The following KIR2DL3 variants were observed in gnomAD, a reference collection of about 807,000 sequenced individuals.
The protein encoded by KIR2DL3 is killer cell immunoglobulin like receptor, two Ig domains and long cytoplasmic tail 3, also known as killer cell immunoglobulin-like receptor 2DL3.
In KIR2DL3, 39 loss-of-function variants were observed where a neutral mutation model predicts 33.8. The observed-to-expected ratio is 1.15, with a 90% CI of 0.89 to 1.51. The LOEUF (loss-of-function observed/expected upper bound fraction) is 1.51. Ranked by LOEUF, KIR2DL3 falls within the 40% of genes most tolerant of loss-of-function variation. KIR2DL3 has a pLI of 0.00. For missense variants in KIR2DL3, 462 were observed against 426.2 expected (o/e 1.08, Z -0.74); for synonymous variants, 174 against 160.2 (o/e 1.09, Z -0.65).
At chr19:54,738,679 T>G (rs2070250762) in intron 1 of KIR2DL3, 100 bp downstream of exon 1, 2 of 1,582,110 alleles carry the variant, frequency 1.3e-6, no homozygotes, top group East Asian at 4.5e-5. Context: ...GGCCTAGAGA[T>G]GGAGTGATGG....
rs757883925 is a variant in KIR2DL3, at chr19:54,742,080, C to A, written c.171C>A (p.His57Gln). Residue 57 changes from histidine (H) to glutamine (Q), a missense_variant, in exon 3 of 8, where the codon CAC becomes CAA. Coordinates refer to ENST00000342376, the MANE Select transcript of KIR2DL3 (RefSeq NM_015868.3). Reference protein sequence around the residue: ...LQCWSDVRFQHFLLHREGKFK... With the variant: ...LQCWSDVRFQQFLLHREGKFK... ...GTTGGTCAGATGTCAGGTTTCAGCA[C>A]TTCCTTCTGCACAGAGAAGGGAAGT... 5.1e-5 allele frequency: 82 copies of A among 1,613,602 alleles called. No homozygotes were observed. Among genetic ancestry groups the A allele is most frequent in the Admixed American group, 8.3e-5 (5 of 59,952 alleles).
In KIR2DL3 at chr19:54,750,247, T is replaced by C. The variant is rs1167811479; in HGVS notation, c.716-1402T>C. Among the ~76,000 whole-genome samples the C allele has an allele frequency of 7.1e-4, 93 of 131,008 alleles. 1 individual carries two copies. The highest frequency in any genetic ancestry group is 1.4e-3 in the South Asian group (5 of 3,680). The allele number at this position is 131,008 out of a possible 152,430, so 85.9% of individuals were successfully genotyped here. On this transcript the variant is annotated intron_variant, in intron 5 of 7. Transcript: ENST00000342376. ...TAGGCTATGGGGAGGTAAACATTGA[T>C]ACTCCTTGGAGTGAGTCCAGATCTT...
In KIR2DL3 at chr19:54,746,726, C is replaced by T. The variant is rs1157004916; in HGVS notation, c.665-609C>T. Among the ~76,000 whole-genome samples the T allele has an allele frequency of 9.4e-4, 141 of 150,298 alleles. 1 individual carries two copies. Among genetic ancestry groups the T allele is most frequent in the African/African-American group, 3.1e-3 (127 of 40,958 alleles). On this transcript the variant is annotated intron_variant, in intron 4 of 7. Coordinates refer to ENST00000342376, the MANE Select transcript of KIR2DL3 (RefSeq NM_015868.3). ...GGCTGGGCATGGTGGCTGACACCTG[C>T]AATTTCAGCACTTTGGGAGCCCAAG...
intron 5 of KIR2DL3, among the ~76,000 whole-genome samples, chr19:54,749,279 A>G: frequency 6.7e-6 from 1 of 149,230 alleles, no homozygotes; most frequent in Non-Finnish European, 1.5e-5. Context: ...AGGAATCCCT[A>G]CATGATTAAT....
intron 5 of KIR2DL3, 130 bp downstream of exon 5, chr19:54,747,515 A>C: frequency 8.1e-7 from 1 of 1,227,252 alleles, no homozygotes; most frequent in Admixed American, 1.7e-5. Flanking sequence ...CGAACTCCAG[A>C]TACTCCAACA....
intron 3 of KIR2DL3, among the ~76,000 whole-genome samples, chr19:54,743,279 G>C (rs113900292): frequency 4.6e-3 from 692 of 149,066 alleles, no homozygotes; most frequent in African/African-American, 0.016. Flanking sequence ...CAGATAATAC[G>C]TACAGATAGA....
chr19:54,752,376 G>T lies in KIR2DL3; in HGVS notation c.883G>T (p.Glu295Ter). The change falls in exon 8 of 8, where the codon GAA becomes TAA. Residue 295 changes from glutamate to a stop codon, truncating the protein, a stop_gained. Coordinates refer to ENST00000342376, the MANE Select transcript of KIR2DL3 (RefSeq NM_015868.3). LOFTEE classifies it low-confidence loss of function (END_TRUNC). ...NRTVNREDSD[E>*]QDPQEVTYAQ... ...ATTTCCCTCTCTCCAGGACTCTGAT[G>T]AACAAGACCCTCAGGAGGTGACATA... is the stretch of plus-strand genomic sequence containing the variant. The T allele has an allele frequency of 6.8e-7, 1 of 1,472,616 alleles. No homozygotes were observed. The highest frequency in any genetic ancestry group is 9.2e-7 in the Non-Finnish European group (1 of 1,081,404). The allele number at this position is 1,472,616 out of a possible 1,614,324, so 91.2% of individuals were successfully genotyped here.
At chr19:54,750,670 G>C (rs1232441070) in intron 5 of KIR2DL3, among the ~76,000 whole-genome samples, 2 of 137,148 alleles carry the variant, frequency 1.5e-5, no homozygotes, top group African/African-American at 5.5e-5. Context: ...CTGGGCTTAT[G>C]CCAATTCCTA....
At chr19:54,748,116 T>C (rs1352277044) in intron 5 of KIR2DL3, among the ~76,000 whole-genome samples, 99 of 150,096 alleles carry the variant, frequency 6.6e-4, no homozygotes, top group African/African-American at 2.3e-3. Context: ...TTCTAAAGGC[T>C]CCCAGTTCCT....
chr19:54,743,212 AGAT>A (rs1434171965), intron 3 of KIR2DL3, among the ~76,000 whole-genome samples: 1 of 152,230 alleles, frequency 6.6e-6, no homozygotes, highest in African/African-American at 2.4e-5. Flanking sequence ...AAAGATACAT[AGAT>A]GATGATTGAT....
rs568145986 is a variant in KIR2DL3, at chr19:54,750,381, C to A, written c.716-1268C>A. Among the ~76,000 whole-genome samples the A allele has an allele frequency of 6.3e-5, 9 of 142,112 alleles. No homozygotes were observed. The South Asian group carries it at 2.1e-3, about 33-fold the overall frequency. 93.2% of individuals were successfully genotyped at this position (142,112 alleles called of 152,430 possible). A position where few individuals can be genotyped will look rare whatever the true frequency, so the allele number is the denominator to read the frequency against. Reference sequence around the variant, plus strand: ...ATGGCCGAGGGGGTGGTCCTTCCCCCAGCCTCTCGGGTAGAACAGCAGCCT... The same window carrying A: ...ATGGCCGAGGGGGTGGTCCTTCCCCAAGCCTCTCGGGTAGAACAGCAGCCT... On this transcript the variant is annotated intron_variant, in intron 5 of 7. Coordinates refer to ENST00000342376, the MANE Select transcript of KIR2DL3 (RefSeq NM_015868.3).
chr19:54,748,459 A>G (rs1304092047), intron 5 of KIR2DL3, among the ~76,000 whole-genome samples: 1 of 139,826 alleles, frequency 7.2e-6, no homozygotes, highest in Non-Finnish European at 1.6e-5. Context: ...GTGGGACAGC[A>G]TTCTCCTGCC....
intron 2 of KIR2DL3, among the ~76,000 whole-genome samples, chr19:54,741,074 C>G (rs150218057): frequency 0.061 from 9,119 of 149,822 alleles, 364 homozygotes; most frequent in African/African-American, 0.12. Flanking sequence ...GTCTCCAGTA[C>G]TGGAAGGTGT....
chr19:54,749,958 C>T lies in KIR2DL3; in HGVS notation c.716-1691C>T, dbSNP rs538054805. Among the ~76,000 whole-genome samples, 9 of 119,302 alleles carry T rather than the reference C, an allele frequency of 7.5e-5. 2 individuals carry two copies. The highest frequency in any genetic ancestry group is 3.0e-4 in the African/African-American group (9 of 30,232). 78.3% of individuals were successfully genotyped at this position (119,302 alleles called of 152,430 possible). On this transcript the variant is annotated intron_variant, in intron 5 of 7. Transcript: ENST00000342376. ...AAAACACACACGAATGACAAAGGCA[C>T]CTGAATTCCAATCATCGTTTTTCTA...
chr19:54,744,012 C>G lies in KIR2DL3; in HGVS notation c.588C>G (p.Tyr196Ter). 6.2e-7 allele frequency: 1 copy of G among 1,614,250 alleles called. No individual in the cohort carries two copies. Residue 196 changes from tyrosine to a stop codon, truncating the protein, a stop_gained, in exon 4 of 8, where the codon TAC becomes TAG. Coordinates refer to ENST00000342376, the MANE Select transcript of KIR2DL3 (RefSeq NM_015868.3). LOFTEE classifies it high-confidence loss of function. ...PLGPATHGGT[Y>*]RCFGSFRDSP... is the part of the protein sequence containing the mutation. Reference sequence around the variant, plus strand: ...GCCCTGCCACCCACGGAGGAACCTACAGATGCTTCGGCTCTTTCCGTGACT... The same window carrying G: ...GCCCTGCCACCCACGGAGGAACCTAGAGATGCTTCGGCTCTTTCCGTGACT...
intron 3 of KIR2DL3, among the ~76,000 whole-genome samples, chr19:54,743,272 A>G (rs1226365520): frequency 2.6e-5 from 4 of 152,054 alleles, no homozygotes; most frequent in Admixed American, 2.6e-4. Flanking sequence ...ATGAAGACAG[A>G]TAATACGTAC....
chr19:54,738,928 AGGTGG>A (rs2070375843), intron 1 of KIR2DL3, among the ~76,000 whole-genome samples: 1 of 43,946 alleles, frequency 2.3e-5, no homozygotes, highest in Admixed American at 2.4e-4. Context: ...ATGGGCCTGG[AGGTGG>A]AGATATGGGC....
chr19:54,739,456 G>C (rs113110613), intron 1 of KIR2DL3, 51 bp from the exon 2 acceptor site: 6 of 1,434,342 alleles, frequency 4.2e-6, no homozygotes, highest in South Asian at 2.4e-5. Context: ...GGCAGCAAGG[G>C]AGGCCTGGTT....
chr19:54,738,594 G>C lies in KIR2DL3; in HGVS notation c.34+15G>C, dbSNP rs1342760819. On this transcript the variant is annotated intron_variant, in intron 1 of 7. Coordinates refer to ENST00000342376, the MANE Select transcript of KIR2DL3 (RefSeq NM_015868.3). ...GGTGTGTGTTGGTGAGTCCTGGAAG[G>C]GCATCGAGGGAGGGAGTGCGGGGAT... The C allele has an allele frequency of 6.2e-7, 1 of 1,613,998 alleles. No individual in the cohort carries two copies. The highest frequency in any genetic ancestry group is 1.3e-5 in the African/African-American group (1 of 74,940).
Sources: allele counts gnomAD v4.1 joint callset (sites outside exome capture counted in the v4.1 genomes callset), GRCh38; gene constraint gnomAD v4.1.1; transcripts MANE v1.5; gene names NCBI Gene and HGNC (gene_info 2026-07-23, HGNC 2026-07-21).